The following SS18 variants were observed in gnomAD, a reference collection of about 807,000 sequenced individuals.
SS18 encodes protein SSXT.
Under a neutral mutation model 72.5 loss-of-function variants are expected in SS18, and 28 were observed. The ratio of observed to expected loss-of-function variants is 0.39; its 90% confidence interval spans 0.29 to 0.53. The LOEUF is 0.53. Among genes scored for constraint, SS18 ranks in the 20% least tolerant of loss-of-function variants. The pLI, the probability that SS18 is intolerant of heterozygous loss-of-function variation, is 0.76. For synonymous variants in SS18, 172 were observed against 164.2 expected (o/e 1.05, Z -0.37); for missense variants, 518 against 535.3 (o/e 0.97, Z 0.32).
chr18:26,031,096 T>C (rs1215273580), intron 10 of SS18, among the ~76,000 whole-genome samples: 1 of 152,192 alleles, frequency 6.6e-6, no homozygotes. Flanking sequence ...TTTTAAAAAG[T>C]TTACCTGCAG....
chr18:26,070,854 GT>G (rs1410069029), intron 3 of SS18, among the ~76,000 whole-genome samples: 1 of 152,104 alleles, frequency 6.6e-6, no homozygotes, highest in Non-Finnish European at 1.5e-5. Flanking sequence ...AAACATAATA[GT>G]TTTTTCAGAC....
intron 3 of SS18, among the ~76,000 whole-genome samples, chr18:26,077,483 T>C (rs1303890441): frequency 6.6e-6 from 1 of 152,100 alleles, no homozygotes; most frequent in Non-Finnish European, 1.5e-5. Flanking sequence ...GATAAAATGA[T>C]ACAGATTAAA....
At chr18:26,023,857 A>G (rs557429137) in intron 10 of SS18, among the ~76,000 whole-genome samples, 1 of 152,256 alleles carries the variant, frequency 6.6e-6, no homozygotes, top group African/African-American at 2.4e-5. Context: ...TTTCCTTATT[A>G]TTTAAGTATC....
At chr18:26,028,823 T>G (rs2053495830) in intron 10 of SS18, among the ~76,000 whole-genome samples, 1 of 152,156 alleles carries the variant, frequency 6.6e-6, no homozygotes, top group Non-Finnish European at 1.5e-5. Context: ...CCCCATTACT[T>G]CGATTCTGCT....
chr18:26,048,054 C>A (rs2053859945), intron 5 of SS18, among the ~76,000 whole-genome samples: 1 of 152,100 alleles, frequency 6.6e-6, no homozygotes, highest in Non-Finnish European at 1.5e-5. Context: ...TGCAACCTGA[C>A]TAATAATTGA....
chr18:26,049,139 T>C (rs1020910227), intron 5 of SS18, among the ~76,000 whole-genome samples: 1 of 152,230 alleles, frequency 6.6e-6, no homozygotes, highest in Non-Finnish European at 1.5e-5. Context: ...GAATATATAA[T>C]TAGTAAAATT....
At chr18:26,050,975 T>C (rs1356221618) in intron 5 of SS18, among the ~76,000 whole-genome samples, 5 of 152,200 alleles carry the variant, frequency 3.3e-5, no homozygotes, top group South Asian at 2.1e-4. Context: ...ATTTTCTTTT[T>C]GAAAATTGTC....
rs138274219 is a variant in SS18, at chr18:26,019,312, C to G, written c.1231-932G>C. Among the ~76,000 whole-genome samples, 365 of 152,234 alleles carry G rather than the reference C, an allele frequency of 2.4e-3. 2 individuals carry two copies. The highest frequency in any genetic ancestry group is 8.1e-3 in the African/African-American group (337 of 41,542). On this transcript the variant is annotated intron_variant, in intron 10 of 10. Transcript: ENST00000415083. ...TTCAAAAAGCATGACTCACTGGAAGCATATAATTAGTTAACTGTTTCCTTT... is the reference window on the plus strand; with the variant it reads ...TTCAAAAAGCATGACTCACTGGAAGGATATAATTAGTTAACTGTTTCCTTT...
intron 9 of SS18, among the ~76,000 whole-genome samples, chr18:26,034,358 T>C (rs2053593127): frequency 6.6e-6 from 1 of 152,170 alleles, no homozygotes; most frequent in African/African-American, 2.4e-5. Flanking sequence ...GAGTTAAGAC[T>C]GAAATATCAG....
rs2054054686 is a variant in SS18 at position 26,058,017 on chromosome 18, CTAT to C, written c.232-278_232-276del. 2.0e-5 allele frequency among the ~76,000 whole-genome samples: 3 copies of C among 152,120 alleles called. No homozygotes were observed. In the South Asian group the frequency reaches 6.2e-4, roughly 32 times the overall value. On this transcript the variant is annotated intron_variant, in intron 3 of 10. Transcript: ENST00000415083. ...TATATATTAAGCATTTCTAATGTGTCTATTATTATCTAAATTATGTGAAAAAAA... is the reference window on the plus strand; with the variant it reads ...TATATATTAAGCATTTCTAATGTGTCTATTATCTAAATTATGTGAAAAAAA...
At chr18:26,043,931 A>C (rs1198284818) in intron 5 of SS18, among the ~76,000 whole-genome samples, 1 of 152,182 alleles carries the variant, frequency 6.6e-6, no homozygotes, top group African/African-American at 2.4e-5. Flanking sequence ...TATCAATAAC[A>C]ATTTTGTTAT....
Position 26,038,597 on chromosome 18 carries a change from G to C in SS18, c.838C>G (p.Gln280Glu). 6.2e-7 allele frequency: 1 copy of C among 1,613,528 alleles called. No individual in the cohort carries two copies. Among genetic ancestry groups the C allele is most frequent in the African/African-American group, 1.3e-5 (1 of 75,012 alleles). ...TGGTTCATGCCTTCTGGAGGACCTT[G>C]TCCACCATGACTGTATTGGTCCCCG... Reference protein sequence around the residue: ...YYGDQYSHGGQGPPEGMNQQY... With the variant: ...YYGDQYSHGGEGPPEGMNQQY... The change falls in exon 7 of 11, where the codon CAA becomes GAA. Residue 280 changes from glutamine (Q) to glutamate (E), a missense_variant. Transcript: ENST00000415083.
intron 5 of SS18, among the ~76,000 whole-genome samples, chr18:26,042,952 A>G (rs1188461624): frequency 6.6e-6 from 1 of 152,202 alleles, no homozygotes; most frequent in Non-Finnish European, 1.5e-5. Flanking sequence ...CTAAAATTTT[A>G]TAAAAATTGT....
intron 4 of SS18, among the ~76,000 whole-genome samples, chr18:26,055,062 C>T (rs1249439606): frequency 6.6e-6 from 1 of 152,018 alleles, no homozygotes; most frequent in African/African-American, 2.4e-5. Context: ...TGAAGGACAA[C>T]TAGAAACCAA....
chr18:26,031,689 T>C (rs1198193728), intron 10 of SS18, among the ~76,000 whole-genome samples: 2 of 152,132 alleles, frequency 1.3e-5, no homozygotes, highest in African/African-American at 4.8e-5. Context: ...AATACAGTCA[T>C]CCTAGGATGA....
chr18:26,027,497 A>G (rs12326257), intron 10 of SS18, among the ~76,000 whole-genome samples: 254 of 151,748 alleles, frequency 1.7e-3, no homozygotes, highest in African/African-American at 5.9e-3. Context: ...AAATACAAAT[A>G]AAAATAAATA....
intron 9 of SS18, among the ~76,000 whole-genome samples, chr18:26,032,860 G>A (rs1447139114): frequency 6.6e-6 from 1 of 152,086 alleles, no homozygotes; most frequent in Non-Finnish European, 1.5e-5. Flanking sequence ...GTCTGATAGC[G>A]TTAACCAGCA....
At chr18:26,056,048 C>T (rs1234859053) in intron 4 of SS18, among the ~76,000 whole-genome samples, 1 of 152,074 alleles carries the variant, frequency 6.6e-6, no homozygotes, top group African/African-American at 2.4e-5. Context: ...TGAGCCACCG[C>T]GCCTGGCCTG....
Position 26,018,345 on chromosome 18 carries a change from A to T in SS18, c.*9T>A. On this transcript the variant is annotated 3_prime_UTR_variant, in exon 11 of 11. Coordinates refer to ENST00000415083, the MANE Select transcript of SS18 (RefSeq NM_001007559.3). Reference sequence around the variant, plus strand: ...AATAGATACTGGCTACTGGAATGTAAGTACTTTTTCACTGCTGGTAATTTC... The same window carrying T: ...AATAGATACTGGCTACTGGAATGTATGTACTTTTTCACTGCTGGTAATTTC... The T allele has an allele frequency of 1.3e-6, 2 of 1,599,706 alleles. No homozygotes were observed. The highest frequency in any genetic ancestry group is 1.7e-6 in the Non-Finnish European group (2 of 1,167,462).
Sources: gnomAD v4.1 joint callset for allele counts (sites outside exome capture counted in the v4.1 genomes callset) on GRCh38, gnomAD v4.1.1 for gene constraint, MANE v1.5 for transcripts, NCBI Gene and HGNC (gene_info 2026-07-23, HGNC 2026-07-21) for gene names.